LRRTM4: variants seen among roughly 807,000 people sequenced by gnomAD.
LRRTM4 encodes the protein leucine rich repeat transmembrane neuronal 4.
Under a neutral mutation model 47.6 loss-of-function variants are expected in LRRTM4, and 25 were observed. The ratio of observed to expected loss-of-function variants is 0.53; its 90% CI spans 0.38 to 0.73. LRRTM4 has a LOEUF of 0.73. LRRTM4 is among the 30% of genes least tolerant of loss of function. The pLI is 0.00. For missense variants in LRRTM4, 638 were observed against 713.4 expected (o/e 0.89, Z 1.20); for synonymous variants, 311 against 269.5 (o/e 1.15, Z -1.51).
intron 3 of LRRTM4, among the ~76,000 whole-genome samples, chr2:77,419,586 G>C (rs763157678): frequency 5.4e-4 from 82 of 152,076 alleles, no homozygotes; most frequent in Non-Finnish European, 3.2e-4. Context: ...GTTCAATAGA[G>C]ATGCAATTTA....
intron 3 of LRRTM4, among the ~76,000 whole-genome samples, chr2:77,139,887 G>T (rs1672067239): frequency 6.6e-6 from 1 of 152,002 alleles, no homozygotes; most frequent in Non-Finnish European, 1.5e-5. Flanking sequence ...GCTTCAAAGA[G>T]AATAAAATAC....
At chr2:76,904,129 C>G (rs956768545) in intron 3 of LRRTM4, among the ~76,000 whole-genome samples, 5 of 152,170 alleles carry the variant, frequency 3.3e-5, no homozygotes, top group African/African-American at 1.2e-4. Context: ...TCTCAGGGTT[C>G]ATGAAGCATA....
At chr2:76,783,483 C>T (rs1433404541) in intron 3 of LRRTM4, among the ~76,000 whole-genome samples, 1 of 152,040 alleles carries the variant, frequency 6.6e-6, no homozygotes, top group African/African-American at 2.4e-5. Context: ...TGACCATCTA[C>T]CTCCAGAACT....
chr2:77,117,030 T>C (rs2103947740), intron 3 of LRRTM4, among the ~76,000 whole-genome samples: 1 of 152,148 alleles, frequency 6.6e-6, no homozygotes, highest in South Asian at 2.1e-4. Context: ...TCTGGACATG[T>C]CATATAAATG....
chr2:77,517,479 A>G, intron 3 of LRRTM4: 1 of 985,186 alleles, frequency 1.0e-6, no homozygotes, highest in Non-Finnish European at 1.2e-6. Flanking sequence ...ATTATTGCTA[A>G]ATCATCCACA....
At chr2:76,857,510 G>A (rs1388152422) in intron 3 of LRRTM4, among the ~76,000 whole-genome samples, 1 of 151,872 alleles carries the variant, frequency 6.6e-6, no homozygotes, top group Non-Finnish European at 1.5e-5. Flanking sequence ...ATGGATTTTT[G>A]ACTATGCAGG....
intron 3 of LRRTM4, among the ~76,000 whole-genome samples, chr2:76,827,542 T>G (rs1419444512): frequency 6.6e-6 from 1 of 151,854 alleles, no homozygotes; most frequent in African/African-American, 2.4e-5. Flanking sequence ...TGACTCTATC[T>G]TAATGAATTG....
chr2:77,158,851 A>G (rs1361468379), intron 3 of LRRTM4, among the ~76,000 whole-genome samples: 2 of 151,824 alleles, frequency 1.3e-5, no homozygotes, highest in Non-Finnish European at 2.9e-5. Flanking sequence ...ACAATAATAA[A>G]CATTAACATA....
intron 3 of LRRTM4, among the ~76,000 whole-genome samples, chr2:77,200,768 T>A (rs1018039784): frequency 6.6e-6 from 1 of 152,172 alleles, no homozygotes; most frequent in African/African-American, 2.4e-5. Context: ...TGTCACCTGT[T>A]CCCAGAAAAA....
intron 3 of LRRTM4, among the ~76,000 whole-genome samples, chr2:76,806,670 A>C (rs893287236): frequency 6.6e-6 from 1 of 152,172 alleles, no homozygotes; most frequent in Non-Finnish European, 1.5e-5. Flanking sequence ...TATATTACAA[A>C]GTAATACTGA....
At chr2:77,053,810 A>G (rs1434811332) in intron 3 of LRRTM4, among the ~76,000 whole-genome samples, 1 of 152,186 alleles carries the variant, frequency 6.6e-6, no homozygotes, top group African/African-American at 2.4e-5. Context: ...TTTATATAAA[A>G]TATCTTCCCA....
chr2:77,290,634 T>C (rs556244531), intron 3 of LRRTM4, among the ~76,000 whole-genome samples: 2 of 152,148 alleles, frequency 1.3e-5, no homozygotes, highest in Admixed American at 6.6e-5. Flanking sequence ...TATTCTGTGC[T>C]TGTATCAAAA....
intron 3 of LRRTM4, among the ~76,000 whole-genome samples, chr2:77,028,430 A>C (rs556342407): frequency 6.6e-6 from 1 of 152,224 alleles, no homozygotes. Flanking sequence ...ACACTTCTGG[A>C]AAATCCCAAG....
rs991354616 is a variant in LRRTM4 at position 77,068,963 on chromosome 2, G to A, written c.1552-320047C>T. Among the ~76,000 whole-genome samples, 8 of 152,086 alleles carry A rather than the reference G, an allele frequency of 5.3e-5. No homozygotes were observed. In the East Asian group the frequency reaches 1.4e-3, roughly 26 times the overall value. ...TGAGCGATCTGTGCCTTAAGGGCAT[G>A]TTCCTGCTGCAGATATCTAGCCAGA... On this transcript the variant is annotated intron_variant, in intron 3 of 3. Coordinates refer to ENST00000409884, the MANE Select transcript of LRRTM4 (RefSeq NM_001134745.3).
At chr2:77,448,869 A>G (rs1444634270) in intron 3 of LRRTM4, among the ~76,000 whole-genome samples, 3 of 152,234 alleles carry the variant, frequency 2.0e-5, no homozygotes, top group Non-Finnish European at 4.4e-5. Context: ...TGACCTTGTC[A>G]ATTGGCAATC....
At chr2:76,968,843 G>C (rs1344920268) in intron 3 of LRRTM4, among the ~76,000 whole-genome samples, 1 of 151,686 alleles carries the variant, frequency 6.6e-6, no homozygotes, top group Non-Finnish European at 1.5e-5. Context: ...CTTTCTCATT[G>C]ATTTGTGGCT....
Position 76,818,130 on chromosome 2 carries a change from T to C in LRRTM4, c.1552-69214A>G, listed in dbSNP as rs184889570. ...AGCTACAGTGAATTAGTCGTTGTAA[T>C]ATACATTTAAGCTGGTGACATATTT... On this transcript the variant is annotated intron_variant, in intron 3 of 3. Coordinates refer to ENST00000409884, the MANE Select transcript of LRRTM4 (RefSeq NM_001134745.3). Among the ~76,000 whole-genome samples the C allele has an allele frequency of 2.6e-3, 402 of 152,046 alleles. 1 individual carries two copies. Among genetic ancestry groups the C allele is most frequent in the South Asian group, 5.4e-3 (26 of 4,826 alleles).
At chr2:77,356,323 T>G (rs888058390) in intron 3 of LRRTM4, among the ~76,000 whole-genome samples, 29 of 152,170 alleles carry the variant, frequency 1.9e-4, no homozygotes, top group African/African-American at 7.0e-4. Context: ...GGCTTGACGT[T>G]GTAAGTATCT....
intron 3 of LRRTM4, among the ~76,000 whole-genome samples, chr2:77,298,635 C>T (rs1316957831): frequency 6.6e-6 from 1 of 152,096 alleles, no homozygotes; most frequent in East Asian, 1.9e-4. Context: ...AATTTTTATG[C>T]CCTGCCAGAG....
Sources: gnomAD v4.1 joint callset for allele counts (sites outside exome capture counted in the v4.1 genomes callset) on GRCh38, gnomAD v4.1.1 for gene constraint, MANE v1.5 for transcripts, NCBI Gene and HGNC (gene_info 2026-07-23, HGNC 2026-07-21) for gene names.